The following GAS2L1 variants were observed in gnomAD, a reference collection of about 807,000 sequenced individuals.
The protein encoded by GAS2L1 is GAS2-like protein 1.
GAS2L1 carries 26 observed loss-of-function variants against 44.0 expected under a neutral mutation model. The observed-to-expected ratio is 0.59, with a 90% CI of 0.43 to 0.82. The LOEUF (loss-of-function observed/expected upper bound fraction) is 0.82. Ranked by LOEUF, GAS2L1 falls within the 40% of genes least tolerant of loss-of-function variation. The pLI, the probability that GAS2L1 is intolerant of heterozygous loss-of-function variation, is 0.00. For synonymous variants in GAS2L1, 426 were observed against 415.9 expected, an observed-to-expected ratio of 1.02 and a Z score of -0.30; for missense variants, 1,006 against 983.0, an observed-to-expected ratio of 1.02 and a Z score of -0.31.
At chr22:29,312,169 T>C (rs749939172) in exon 5 of GAS2L1, 26 of 1,612,984 alleles carry the variant, frequency 1.6e-5, no homozygotes, top group African/African-American at 2.7e-5. Flanking sequence ...CTCAGCGTCC[T>C]GGGTGGCAAA....
exon 1 of GAS2L1, chr22:29,308,709 C>A: frequency 1.3e-6 from 2 of 1,500,224 alleles, no homozygotes; most frequent in Non-Finnish European, 1.8e-6. Flanking sequence ...CCGCATGACA[C>A]CCAGCGACCT....
At chr22:29,311,080 C>A in intron 4 of GAS2L1, 82 bp downstream of exon 5, 2 of 1,336,074 alleles carry the variant, frequency 1.5e-6, no homozygotes, top group Non-Finnish European at 2.0e-6. Flanking sequence ...GTTGCCTGTG[C>A]GCCAGAGTGA....
chr22:29,311,071 T>C (rs547031376), intron 4 of GAS2L1, 73 bp downstream of exon 5: 1 of 1,403,046 alleles, frequency 7.1e-7, no homozygotes, highest in East Asian at 2.3e-5. Flanking sequence ...GCATGATGGG[T>C]TGCCTGTGCG....
chr22:29,309,707 C>T (rs984235755), intron 1 of GAS2L1, among the ~76,000 whole-genome samples: 3 of 152,218 alleles, frequency 2.0e-5, no homozygotes, highest in African/African-American at 4.8e-5. Flanking sequence ...GTCTGTGGTA[C>T]GCCTCCACAT....
intron 4 of GAS2L1, 97 bp downstream of exon 5, chr22:29,311,095 C>T: frequency 1.6e-6 from 2 of 1,244,988 alleles, no homozygotes; most frequent in Non-Finnish European, 2.2e-6. Context: ...GAGTGACTCA[C>T]ACCCTGGGAA....
exon 5 of GAS2L1, chr22:29,311,707 G>A: frequency 6.5e-7 from 1 of 1,528,246 alleles, no homozygotes; most frequent in Non-Finnish European, 8.7e-7. Context: ...GGGGCCCCAG[G>A]AGGCAGGGGA....
chr22:29,312,390 A>G (rs971835891), exon 5 of GAS2L1: 1 of 1,590,330 alleles, frequency 6.3e-7, no homozygotes, highest in Non-Finnish European at 8.6e-7. Flanking sequence ...ACCCTCACGT[A>G]TCCCCACGCC....
intron 1 of GAS2L1, 73 bp downstream of exon 2, chr22:29,308,811 C>A: frequency 8.2e-7 from 1 of 1,214,196 alleles, no homozygotes; most frequent in Non-Finnish European, 1.1e-6. Flanking sequence ...CTGAACCTCC[C>A]AGGGTCCACC....
intron 2 of GAS2L1, 41 bp from the exon 4 acceptor site, chr22:29,310,597 G>C (rs574843664): frequency 2.5e-6 from 4 of 1,578,568 alleles, no homozygotes; most frequent in Non-Finnish European, 2.6e-6. Flanking sequence ...GGTGGGCTGC[G>C]GGGCGCCCGG....
At chr22:29,308,603 G>A in exon 1 of GAS2L1, 1 of 1,596,566 alleles carries the variant, frequency 6.3e-7, no homozygotes, top group Non-Finnish European at 8.5e-7. Context: ...AGATTGAGCG[G>A]GAGCTGCGTG....
Position 29,310,565 on chromosome 22 carries a change from CCCAGCGGGCAGCA to C in GAS2L1, c.741+20_741+32del. The C allele has an allele frequency of 6.3e-7, 1 of 1,590,274 alleles. No homozygotes were observed. The highest frequency in any genetic ancestry group is 2.2e-5 in the East Asian group (1 of 44,766). On this transcript the variant is annotated intron_variant, in intron 2 of 4. Coordinates refer to ENST00000618518, the Ensembl canonical transcript of GAS2L1. ...TGTGCGGGTAAGGGCCTGGGGCCGC[CCCAGCGGGCAGCA>C]GCCAAGGTGGTGGGCTGCGGGGCGC...
chr22:29,312,054 G>A, exon 5 of GAS2L1: 3 of 1,612,660 alleles, frequency 1.9e-6, no homozygotes, highest in Non-Finnish European at 2.5e-6. Context: ...CCTTGAGGCT[G>A]TTGCTAGCGT....
At chr22:29,311,393 C>T in intron 4 of GAS2L1, 69 bp from the exon 6 acceptor site, 3 of 662,852 alleles carry the variant, frequency 4.5e-6, no homozygotes, top group South Asian at 1.9e-5. Context: ...TGCTGTTCCT[C>T]TCCCTGCCTG....
In GAS2L1 at chr22:29,311,693, C is replaced by G. The variant is rs937325447; in HGVS notation, c.1242C>G (p.Pro414=). 3.3e-6 allele frequency: 5 copies of G among 1,524,606 alleles called. No homozygotes were observed. In the African/African-American group the frequency reaches 6.9e-5, roughly 21 times the overall value. The allele number at this position is 1,524,606 out of a possible 1,614,324, so 94.4% of individuals were successfully genotyped here. A position where few individuals can be genotyped will look rare whatever the true frequency, so the allele number is the denominator to read the frequency against. The change falls in exon 5 of 5, where the codon CCC becomes CCG. Residue 414 remains proline, a synonymous_variant. Transcript: ENST00000618518. ...GAGACCGGCTGGATCGCGGCCGGCC[C>G]CGGGGGGCCCCAGGAGGCAGGGGAG...
chr22:29,307,444 G>GT, exon 1 of GAS2L1: 1 of 152,446 alleles, frequency 6.6e-6, no homozygotes, highest in Middle Eastern at 3.4e-3. Context: ...CCTGGACGCC[G>GT]GGCTCCTCCA....
intron 4 of GAS2L1, chr22:29,311,249 G>A (rs1052929727): frequency 5.1e-6 from 3 of 586,568 alleles, no homozygotes; most frequent in Non-Finnish European, 9.0e-6. Flanking sequence ...GAAGGGGGGT[G>A]TCTAGAGCCC....
exon 1 of GAS2L1, chr22:29,307,829 A>G (rs1302526389): frequency 6.5e-6 from 2 of 307,288 alleles, no homozygotes; most frequent in Non-Finnish European, 1.2e-5. Context: ...CCCAGTTTCC[A>G]CCGCAAAAAG....
chr22:29,311,856 A>G (rs371194957), exon 5 of GAS2L1: 1 of 1,594,944 alleles, frequency 6.3e-7, no homozygotes, highest in Non-Finnish European at 8.5e-7. Flanking sequence ...GGGCTCGGGC[A>G]GGAGCACCCC....
rs1338543639 is a variant in GAS2L1 at position 29,311,464 on chromosome 22, C to T, written c.1013C>T (p.Pro338Leu). ...TCTCTATTGTCCCCCTGCCCCAGGC[C>T]CCGGGATCAGCTGCCCCCCCATCCC... The change falls in exon 5 of 5, where the codon CCC (proline) becomes CTC (leucine). Residue 338 changes from proline to leucine, a missense_variant and splice_region_variant. Coordinates refer to ENST00000618518, the Ensembl canonical transcript of GAS2L1. 21 of 1,302,212 alleles carry T rather than the reference C, an allele frequency of 1.6e-5. No individual in the cohort carries two copies. The highest frequency in any genetic ancestry group is 2.0e-5 in the Non-Finnish European group (19 of 946,288). 80.7% of individuals were successfully genotyped at this position (1,302,212 alleles called of 1,614,324 possible).
Sources: gnomAD v4.1 joint callset for allele counts (sites outside exome capture counted in the v4.1 genomes callset) on GRCh38, gnomAD v4.1.1 for gene constraint, MANE v1.5 for transcripts, NCBI Gene and HGNC (gene_info 2026-07-23, HGNC 2026-07-21) for gene names.